The following AQR variants were observed in gnomAD, a reference collection of about 807,000 sequenced individuals.
AQR encodes the protein RNA helicase aquarius.
A neutral mutation model predicts 180.5 loss-of-function variants in AQR; 61 were observed. The ratio of observed to expected loss-of-function variants is 0.34; its 90% CI spans 0.28 to 0.42. AQR has a LOEUF of 0.42. Ranked by LOEUF, AQR falls within the 10% of genes least tolerant of loss-of-function variation. AQR has a pLI of 1.00. For synonymous variants in AQR, 551 were observed against 588.8 expected (o/e 0.94, Z 0.93); for missense variants, 1,281 against 1,798.3 (o/e 0.71, Z 5.20).
chr15:34,964,932 C>T (rs1724513422), intron 1 of AQR, among the ~76,000 whole-genome samples: 1 of 151,996 alleles, frequency 6.6e-6, no homozygotes, highest in Non-Finnish European at 1.5e-5. Flanking sequence ...TGTTTTAAAA[C>T]CCAATTATAA....
rs1331580461 is a variant in AQR, at chr15:34,853,636, C to A, written c.*3156G>T. 1.3e-5 allele frequency: 2 copies of A among 152,118 alleles called. No individual in the cohort carries two copies. Among genetic ancestry groups the A allele is most frequent in the Non-Finnish European group, 2.9e-5 (2 of 68,036 alleles). The allele number at this position is 152,118 out of a possible 1,614,324, so 9.4% of individuals were successfully genotyped here. On this transcript the variant is annotated 3_prime_UTR_variant, in exon 35 of 35. Coordinates refer to ENST00000156471, the MANE Select transcript of AQR (RefSeq NM_014691.3). ...GCCTGGATTGGGGCATGGCTAAGCA[C>A]TCAAGTCAAAGGATTAGTTGGCAAT... is the stretch of plus-strand genomic sequence containing the variant.
rs1251589742 is a variant in AQR, at chr15:34,853,214, C to T, written c.*3578G>A. 1 of 151,032 alleles carries T rather than the reference C, an allele frequency of 6.6e-6. No individual in the cohort carries two copies. The highest frequency in any genetic ancestry group is 1.5e-5 in the Non-Finnish European group (1 of 67,868). The allele number at this position is 151,032 out of a possible 1,614,324, so 9.4% of individuals were successfully genotyped here. On this transcript the variant is annotated 3_prime_UTR_variant, in exon 35 of 35. Transcript: ENST00000156471. The stretch of plus-strand genomic sequence containing the variant: ...ATTTTTCACAGGAAGCAAGGCACTG[C>T]TCTTCTGGCTTATGCAAAAGGGTCA...
intron 11 of AQR, among the ~76,000 whole-genome samples, chr15:34,931,997 T>C (rs1423460337): frequency 6.6e-6 from 1 of 152,134 alleles, no homozygotes; most frequent in Non-Finnish European, 1.5e-5. Flanking sequence ...ATAGAAAGAG[T>C]CATACTATTG....
chr15:34,865,527 T>C (rs1041044673), intron 32 of AQR, among the ~76,000 whole-genome samples: 1 of 151,956 alleles, frequency 6.6e-6, no homozygotes, highest in Non-Finnish European at 1.5e-5. Flanking sequence ...AAATACAGAG[T>C]TACCATATGA....
chr15:34,933,430 A>G (rs1893896965), intron 10 of AQR, among the ~76,000 whole-genome samples: 2 of 152,088 alleles, frequency 1.3e-5, no homozygotes, highest in South Asian at 4.2e-4. Flanking sequence ...TGAACTTGTC[A>G]GCAAATCCTG....
chr15:34,962,469 A>C (rs1049671389), intron 2 of AQR, among the ~76,000 whole-genome samples: 1 of 152,158 alleles, frequency 6.6e-6, no homozygotes, highest in African/African-American at 2.4e-5. Flanking sequence ...TTAAATAATA[A>C]AATAAAGATT....
intron 3 of AQR, among the ~76,000 whole-genome samples, chr15:34,959,637 C>T (rs1272103494): frequency 4.6e-5 from 7 of 152,238 alleles, no homozygotes; most frequent in Non-Finnish European, 1.0e-4. Context: ...CATCACTAAT[C>T]ACTCAGCAAC....
At chr15:34,857,700 G>A (rs2140455560) in intron 34 of AQR, among the ~76,000 whole-genome samples, 1 of 151,978 alleles carries the variant, frequency 6.6e-6, no homozygotes, top group Non-Finnish European at 1.5e-5. Context: ...GCAGTGAGTT[G>A]AGATTGTGTC....
chr15:34,956,696 G>GAAAAAA lies in AQR; in HGVS notation c.174-3782_174-3777dup, dbSNP rs565202160. On this transcript the variant is annotated intron_variant, in intron 3 of 34. Coordinates refer to ENST00000156471, the MANE Select transcript of AQR (RefSeq NM_014691.3). Reference sequence around the variant, plus strand: ...GAACAGAATATTCAGTAAGAAGTCAGAAAAAAAAAAAAAAAAAAAAGAACC... The same window carrying GAAAAAA: ...GAACAGAATATTCAGTAAGAAGTCAGAAAAAAAAAAAAAAAAAAAAAAAAAAGAACC... 5.4e-4 allele frequency among the ~76,000 whole-genome samples: 45 copies of GAAAAAA among 83,376 alleles called. 2 individuals are homozygous for GAAAAAA. Among genetic ancestry groups the GAAAAAA allele is most frequent in the East Asian group, 1.2e-3 (3 of 2,492 alleles). 54.7% of individuals were successfully genotyped at this position (83,376 alleles called of 152,430 possible).
chr15:34,891,477 A>T (rs1283243360), intron 23 of AQR, among the ~76,000 whole-genome samples: 1 of 152,204 alleles, frequency 6.6e-6, no homozygotes, highest in Non-Finnish European at 1.5e-5. Context: ...GAAAACAATC[A>T]ATTCGATGGG....
chr15:34,959,133 G>A (rs980338111), intron 3 of AQR, among the ~76,000 whole-genome samples: 1 of 152,112 alleles, frequency 6.6e-6, no homozygotes, highest in Admixed American at 6.6e-5. Context: ...TCGAAAAGGT[G>A]GCTAATACAA....
chr15:34,887,553 C>T (rs866627898), intron 24 of AQR, among the ~76,000 whole-genome samples: 7 of 152,094 alleles, frequency 4.6e-5, no homozygotes, highest in East Asian at 1.9e-4. Context: ...GTACCTTGTC[C>T]GAAAACACAC....
intron 16 of AQR, among the ~76,000 whole-genome samples, chr15:34,912,002 C>T (rs1188254209): frequency 6.6e-6 from 1 of 152,066 alleles, no homozygotes; most frequent in Admixed American, 6.6e-5. Context: ...CATTTTTTTA[C>T]AAGTAGATAT....
chr15:34,863,027 A>G lies in AQR; in HGVS notation c.3869T>C (p.Leu1290Ser). Residue 1290 changes from leucine (L) to serine (S), a missense_variant, in exon 33 of 35, where the codon TTG becomes TCG. Physicochemically the swap from Leu to Ser is moderately radical, Grantham distance 145. Transcript: ENST00000156471. ...AVGHLRDVRR[L>S]VVAMSRARLG... ...TCTGGCTCTAGACATGGCCACTACC[A>G]AGCGACGGACATCCCTTTGGGAAAT... The G allele has an allele frequency of 6.2e-7, 1 of 1,613,080 alleles. No individual in the cohort carries two copies. The highest frequency in any genetic ancestry group is 8.5e-7 in the Non-Finnish European group (1 of 1,179,518).
At position 34,870,806 on chromosome 15, in the gene AQR, G is replaced by A. The variant is rs371817508; in HGVS notation, c.3714C>T (p.Arg1238=). The change falls in exon 31 of 35, where the codon CGC becomes CGT. Residue 1238 remains arginine (R), a synonymous_variant. Coordinates refer to ENST00000156471, the MANE Select transcript of AQR (RefSeq NM_014691.3). The stretch of plus-strand genomic sequence containing the variant: ...TTCCACATCGTCTATTGATGATGTC[G>A]CGAATAAGATGCTTTTGGCCATTAT... ...TTYNGQKHLI[R]DIINRRCGNN... The A allele has an allele frequency of 4.5e-5, 73 of 1,613,174 alleles. No individual in the cohort carries two copies. In the East Asian group the frequency reaches 6.5e-4, roughly 14 times the overall value.
At chr15:34,857,462 C>T (rs996590359) in intron 34 of AQR, among the ~76,000 whole-genome samples, 4 of 152,164 alleles carry the variant, frequency 2.6e-5, no homozygotes, top group African/African-American at 9.7e-5. Flanking sequence ...ATCAAAGAGC[C>T]CTGTGAGCTG....
chr15:34,899,744 G>A (rs1893302137), intron 20 of AQR, among the ~76,000 whole-genome samples: 1 of 151,764 alleles, frequency 6.6e-6, no homozygotes, highest in African/African-American at 2.4e-5. Flanking sequence ...AGTAATCTGT[G>A]GGCTACCACC....
At chr15:34,859,677 T>A (rs577927600) in intron 34 of AQR, among the ~76,000 whole-genome samples, 2 of 152,188 alleles carry the variant, frequency 1.3e-5, no homozygotes, top group South Asian at 4.1e-4. Flanking sequence ...AGAAAGCAGA[T>A]CCTTGGCTGC....
intron 5 of AQR, 71 bp from the exon 6 acceptor site, chr15:34,944,499 G>C (rs1438429240): frequency 1.7e-5 from 25 of 1,447,186 alleles, no homozygotes; most frequent in Non-Finnish European, 2.3e-5. Context: ...GCCCTAGTAG[G>C]CTTTTTAGCA....
Sources: gnomAD v4.1 joint callset for allele counts (sites outside exome capture counted in the v4.1 genomes callset) on GRCh38, gnomAD v4.1.1 for gene constraint, MANE v1.5 for transcripts, NCBI Gene and HGNC (gene_info 2026-07-23, HGNC 2026-07-21) for gene names.